CADM2: variants seen among roughly 807,000 people sequenced by gnomAD.
The protein encoded by CADM2 is immunoglobulin superfamily member 4D.
A neutral mutation model predicts 49.8 loss-of-function variants in CADM2; 12 were observed. That is an observed-to-expected ratio of 0.24 (90% CI 0.15 to 0.39). The LOEUF is 0.39. Ranked by LOEUF, CADM2 falls within the 10% of genes least tolerant of loss-of-function variation. The pLI, the probability that CADM2 is intolerant of heterozygous loss-of-function variation, is 1.00. For missense variants in CADM2, 378 were observed against 492.3 expected (o/e 0.77, Z 2.20); for synonymous variants, 214 against 175.4 (o/e 1.22, Z -1.74).
At chr3:85,777,082 A>G (rs558862969) in intron 2 of CADM2, among the ~76,000 whole-genome samples, 1 of 152,188 alleles carries the variant, frequency 6.6e-6, no homozygotes, top group East Asian at 1.9e-4. Context: ...CAGAATGTAC[A>G]TAAATATGCA....
chr3:86,017,521 G>C (rs141222423), intron 8 of CADM2, among the ~76,000 whole-genome samples: 2 of 152,028 alleles, frequency 1.3e-5, no homozygotes, highest in Non-Finnish European at 1.5e-5. Flanking sequence ...GCTTGAGCCA[G>C]GAGTTGGAGA....
chr3:85,207,291 G>A (rs1445433065), intron 1 of CADM2, among the ~76,000 whole-genome samples: 1 of 151,828 alleles, frequency 6.6e-6, no homozygotes, highest in Non-Finnish European at 1.5e-5. Flanking sequence ...CTCAGAAAAC[G>A]GATAAATGAA....
intron 3 of CADM2, among the ~76,000 whole-genome samples, chr3:85,832,046 G>T (rs1210043104): frequency 6.6e-6 from 1 of 151,840 alleles, no homozygotes; most frequent in Admixed American, 6.6e-5. Context: ...TCTTCTGCAT[G>T]TGGCTAGCTA....
intron 1 of CADM2, among the ~76,000 whole-genome samples, chr3:85,128,858 G>T (rs914894240): frequency 5.3e-5 from 8 of 152,172 alleles, no homozygotes; most frequent in South Asian, 2.1e-4. Flanking sequence ...TATTTACTGT[G>T]GGGCAGAAAT....
Position 85,359,661 on chromosome 3 carries a change from TATA to T in CADM2, c.62-366860_62-366858del, listed in dbSNP as rs1473487666. Among the ~76,000 whole-genome samples, 45 of 28,506 alleles carry T rather than the reference TATA, an allele frequency of 1.6e-3. 5 individuals are homozygous for T. The highest frequency in any genetic ancestry group is 2.7e-3 in the African/African-American group (30 of 11,020). 18.7% of individuals were successfully genotyped at this position (28,506 alleles called of 152,430 possible). ...GCATATATATATATATATATATATA[TATA>T]TATTTTTTTTTTTGGTGGAGGGGAG... On this transcript the variant is annotated intron_variant, in intron 1 of 9. Coordinates refer to ENST00000383699, the MANE Select transcript of CADM2 (RefSeq NM_001167675.2).
chr3:85,387,545 T>A (rs2034298599), intron 1 of CADM2, among the ~76,000 whole-genome samples: 1 of 152,000 alleles, frequency 6.6e-6, no homozygotes, highest in Admixed American at 6.6e-5. Flanking sequence ...AACAACAGAG[T>A]GGATAAAACA....
At chr3:85,624,850 T>C (rs2064078644) in intron 1 of CADM2, among the ~76,000 whole-genome samples, 4 of 152,116 alleles carry the variant, frequency 2.6e-5, no homozygotes. Context: ...TGTATATATT[T>C]ATAGGGTACA....
intron 1 of CADM2, among the ~76,000 whole-genome samples, chr3:85,563,796 T>A (rs1398588267): frequency 3.9e-5 from 6 of 152,144 alleles, no homozygotes; most frequent in Non-Finnish European, 7.4e-5. Flanking sequence ...ATATAAATGA[T>A]TGTTCTGAAA....
At chr3:85,621,107 A>G (rs555743921) in intron 1 of CADM2, among the ~76,000 whole-genome samples, 103 of 152,278 alleles carry the variant, frequency 6.8e-4, no homozygotes, top group Non-Finnish European at 5.9e-4. Context: ...TCATATACCA[A>G]TGCAAGAAAA....
intron 1 of CADM2, among the ~76,000 whole-genome samples, chr3:85,438,120 CTTAT>C (rs1005122794): frequency 6.6e-6 from 1 of 151,784 alleles, no homozygotes; most frequent in African/African-American, 2.4e-5. Context: ...ACTTTGAATT[CTTAT>C]TTATTTATTG....
intron 1 of CADM2, among the ~76,000 whole-genome samples, chr3:84,979,528 G>T (rs2032035900): frequency 6.6e-6 from 1 of 151,970 alleles, no homozygotes; most frequent in Admixed American, 6.6e-5. Flanking sequence ...TATCTTTGAA[G>T]AAATACTCAA....
intron 1 of CADM2, among the ~76,000 whole-genome samples, chr3:85,473,460 T>G (rs1208786396): frequency 6.6e-6 from 1 of 152,046 alleles, no homozygotes; most frequent in Non-Finnish European, 1.5e-5. Flanking sequence ...ATCATCTGCA[T>G]AGTGATTAGG....
In CADM2 at chr3:85,359,659, TATA is replaced by T. The variant is rs1291425882; in HGVS notation, c.62-366862_62-366860del. 3.4e-4 allele frequency among the ~76,000 whole-genome samples: 8 copies of T among 23,810 alleles called. 1 individual carries two copies. Among genetic ancestry groups the T allele is most frequent in the South Asian group, 1.3e-3 (1 of 800 alleles). The allele number at this position is 23,810 out of a possible 152,430, so 15.6% of individuals were successfully genotyped here. A position where few individuals can be genotyped will look rare whatever the true frequency, so the allele number is the denominator to read the frequency against. On this transcript the variant is annotated intron_variant, in intron 1 of 9. Coordinates refer to ENST00000383699, the MANE Select transcript of CADM2 (RefSeq NM_001167675.2). The stretch of plus-strand genomic sequence containing the variant: ...CAGCATATATATATATATATATATA[TATA>T]TATATTTTTTTTTTTGGTGGAGGGG...
At chr3:85,083,982 C>T (rs1199188333) in intron 1 of CADM2, among the ~76,000 whole-genome samples, 1 of 152,194 alleles carries the variant, frequency 6.6e-6, no homozygotes, top group Admixed American at 6.6e-5. Flanking sequence ...GATATACTGA[C>T]TTAGCCATTA....
intron 1 of CADM2, among the ~76,000 whole-genome samples, chr3:85,523,946 T>C (rs777596808): frequency 1.6e-4 from 25 of 152,134 alleles, no homozygotes; most frequent in Non-Finnish European, 3.2e-4. Flanking sequence ...TCATTGGTTG[T>C]CTAAATCAGA....
At chr3:85,288,377 C>A (rs2043688646) in intron 1 of CADM2, among the ~76,000 whole-genome samples, 1 of 151,902 alleles carries the variant, frequency 6.6e-6, no homozygotes, top group African/African-American at 2.4e-5. Flanking sequence ...GTATTATTTC[C>A]ATGGATGATT....
At chr3:85,150,224 G>A (rs1246169770) in intron 1 of CADM2, among the ~76,000 whole-genome samples, 1 of 152,128 alleles carries the variant, frequency 6.6e-6, no homozygotes, top group Non-Finnish European at 1.5e-5. Context: ...TGTATTTACT[G>A]TAATAAGTAG....
At chr3:85,426,047 C>T (rs2036387700) in intron 1 of CADM2, among the ~76,000 whole-genome samples, 2 of 152,148 alleles carry the variant, frequency 1.3e-5, no homozygotes, top group Admixed American at 1.3e-4. Context: ...CAAGCCGTGC[C>T]TCAGTTTTCC....
intron 2 of CADM2, among the ~76,000 whole-genome samples, chr3:85,755,279 T>G (rs1231295931): frequency 6.6e-6 from 1 of 152,172 alleles, no homozygotes; most frequent in Non-Finnish European, 1.5e-5. Flanking sequence ...TAGAACAATT[T>G]ACAGAACTCA....
Sources: gnomAD v4.1 joint callset for allele counts (sites outside exome capture counted in the v4.1 genomes callset) on GRCh38, gnomAD v4.1.1 for gene constraint, MANE v1.5 for transcripts, NCBI Gene and HGNC (gene_info 2026-07-23, HGNC 2026-07-21) for gene names.